RUNX2: variants seen among roughly 807,000 people sequenced by gnomAD.
The protein encoded by RUNX2 is runt-related transcription factor 2.
In RUNX2, 10 loss-of-function variants were observed where a neutral mutation model predicts 51.7. The ratio of observed to expected loss-of-function variants is 0.19; its 90% CI spans 0.12 to 0.33. The LOEUF (loss-of-function observed/expected upper bound fraction) is 0.33. Ranked by LOEUF, RUNX2 falls within the 10% of genes least tolerant of loss-of-function variation. The pLI, the probability that RUNX2 is intolerant of heterozygous loss-of-function variation, is 1.00. For synonymous variants in RUNX2, 276 were observed against 273.6 expected (o/e 1.01, Z -0.09); for missense variants, 562 against 691.3 (o/e 0.81, Z 2.10).
intron 2 of RUNX2, among the ~76,000 whole-genome samples, chr6:45,355,138 C>CTTT (rs1205511889): frequency 7.6e-6 from 1 of 131,654 alleles, no homozygotes. Context: ...AAAGACCTGG[C>CTTT]TTTTTTTTTT....
Position 45,462,626 on chromosome 6 carries a change from T to A in RUNX2, c.685+24575T>A, listed in dbSNP as rs148243227. ...ATATGCCACTATTCACAATAGAGTTTTTAAAACAGTATATTTGTAATTGAT... is the reference window on the plus strand; with the variant it reads ...ATATGCCACTATTCACAATAGAGTTATTAAAACAGTATATTTGTAATTGAT... On this transcript the variant is annotated intron_variant, in intron 5 of 8. Transcript: ENST00000647337. Among the ~76,000 whole-genome samples, 936 of 152,366 alleles carry A rather than the reference T, an allele frequency of 6.1e-3. 7 individuals carry two copies. Among genetic ancestry groups the A allele is most frequent in the African/African-American group, 0.021 (869 of 41,584 alleles).
intron 2 of RUNX2, among the ~76,000 whole-genome samples, chr6:45,394,961 G>C (rs559823383): frequency 6.6e-6 from 1 of 152,052 alleles, no homozygotes; most frequent in African/African-American, 2.4e-5. Flanking sequence ...GGTGTGTGTG[G>C]GGGGGAGGCA....
chr6:45,420,840 C>T (rs942169300), intron 2 of RUNX2, among the ~76,000 whole-genome samples: 1 of 152,180 alleles, frequency 6.6e-6, no homozygotes, highest in Non-Finnish European at 1.5e-5. Context: ...TGGTCGTAGA[C>T]ACCCACGTGC....
chr6:45,340,420 C>T (rs1258208020), intron 2 of RUNX2, among the ~76,000 whole-genome samples: 1 of 152,032 alleles, frequency 6.6e-6, no homozygotes, highest in Non-Finnish European at 1.5e-5. Context: ...ACCTCCTGAG[C>T]TCAAGGGATC....
At chr6:45,434,024 C>G (rs1028996767) in intron 4 of RUNX2, among the ~76,000 whole-genome samples, 1 of 152,056 alleles carries the variant, frequency 6.6e-6, no homozygotes, top group Non-Finnish European at 1.5e-5. Context: ...CCAGACTTGT[C>G]TTCAAGACTT....
At chr6:45,412,386 CA>C (rs148413980) in intron 2 of RUNX2, among the ~76,000 whole-genome samples, 4,069 of 151,050 alleles carry the variant, frequency 0.027, 195 homozygotes, top group African/African-American at 0.093. Flanking sequence ...CAAAACCCCC[CA>C]AAAAAAAGAA....
At chr6:45,381,894 G>T (rs1357265426) in intron 2 of RUNX2, among the ~76,000 whole-genome samples, 6 of 152,184 alleles carry the variant, frequency 3.9e-5, no homozygotes, top group Non-Finnish European at 5.9e-5. Flanking sequence ...GATTAGAAAA[G>T]AAATGTTAAA....
chr6:45,349,606 A>G (rs958809975), intron 2 of RUNX2, among the ~76,000 whole-genome samples: 37 of 152,304 alleles, frequency 2.4e-4, no homozygotes, highest in African/African-American at 8.7e-4. Flanking sequence ...ATGCACACTA[A>G]GGTTTGGGAA....
chr6:45,432,741 T>C (rs1419708780), intron 4 of RUNX2, among the ~76,000 whole-genome samples: 1 of 151,618 alleles, frequency 6.6e-6, no homozygotes, highest in Admixed American at 6.6e-5. Context: ...GAGGTTAATG[T>C]TTTTTAAAAA....
intron 3 of RUNX2, among the ~76,000 whole-genome samples, chr6:45,423,478 G>A (rs1011323241): frequency 6.6e-6 from 1 of 152,086 alleles, no homozygotes; most frequent in Non-Finnish European, 1.5e-5. Flanking sequence ...TTCCCTCACA[G>A]CCAAACGCCT....
intron 5 of RUNX2, among the ~76,000 whole-genome samples, chr6:45,490,419 G>A (rs1241780034): frequency 1.3e-5 from 2 of 152,196 alleles, no homozygotes; most frequent in East Asian, 3.8e-4. Context: ...GTTGGAACAC[G>A]TTTGGCCGTG....
chr6:45,446,031 A>T (rs954294938), intron 5 of RUNX2, among the ~76,000 whole-genome samples: 2 of 152,194 alleles, frequency 1.3e-5, no homozygotes, highest in Admixed American at 6.5e-5. Context: ...ATGCAAGGAT[A>T]TATGGCCTGT....
chr6:45,393,317 G>A (rs1294444540), intron 2 of RUNX2, among the ~76,000 whole-genome samples: 1 of 152,148 alleles, frequency 6.6e-6, no homozygotes, highest in Non-Finnish European at 1.5e-5. Flanking sequence ...GGCCCTCACT[G>A]TGTGGTTTTA....
At chr6:45,404,267 AAAAAAAAG>A (rs1250553540) in intron 2 of RUNX2, among the ~76,000 whole-genome samples, 4 of 141,578 alleles carry the variant, frequency 2.8e-5, no homozygotes, top group Non-Finnish European at 6.2e-5. Flanking sequence ...CTCAAAAAAA[AAAAAAAAG>A]AAAAAGAAAA....
intron 5 of RUNX2, among the ~76,000 whole-genome samples, chr6:45,491,265 C>T (rs1800457410): frequency 6.6e-6 from 1 of 152,202 alleles, no homozygotes; most frequent in Non-Finnish European, 1.5e-5. Flanking sequence ...AAAAAGCATT[C>T]TCTCTGATTT....
At chr6:45,545,481 A>T (rs548604791) in intron 8 of RUNX2, among the ~76,000 whole-genome samples, 199 bp downstream of exon 8, 3 of 152,324 alleles carry the variant, frequency 2.0e-5, no homozygotes, top group East Asian at 3.9e-4. Flanking sequence ...AAAATTAATA[A>T]CCTTCAATCA....
intron 7 of RUNX2, among the ~76,000 whole-genome samples, chr6:45,534,220 G>A (rs146621553): frequency 3.9e-4 from 60 of 151,922 alleles, no homozygotes; most frequent in African/African-American, 1.4e-3. Flanking sequence ...CTGTTTGGAT[G>A]GAAAGTAGTA....
At chr6:45,333,279 T>C (rs1787883647) in intron 2 of RUNX2, among the ~76,000 whole-genome samples, 1 of 151,536 alleles carries the variant, frequency 6.6e-6, no homozygotes, top group African/African-American at 2.4e-5. Context: ...AAAAGGGAGT[T>C]TCCTTACATT....
intron 5 of RUNX2, among the ~76,000 whole-genome samples, chr6:45,440,516 T>G (rs1798812871): frequency 6.6e-6 from 1 of 152,164 alleles, no homozygotes; most frequent in East Asian, 1.9e-4. Flanking sequence ...CGTATGGTGG[T>G]CTCTGTCACA....
Sources: gnomAD v4.1 joint callset for allele counts (sites outside exome capture counted in the v4.1 genomes callset) on GRCh38, gnomAD v4.1.1 for gene constraint, MANE v1.5 for transcripts, NCBI Gene and HGNC (gene_info 2026-07-23, HGNC 2026-07-21) for gene names.